The following FRMD5 variants were observed in gnomAD, a reference collection of about 807,000 sequenced individuals.
The protein encoded by FRMD5 is FERM domain-containing protein 5.
In FRMD5, 20 loss-of-function variants were observed where a neutral mutation model predicts 69.0. That is an observed-to-expected ratio of 0.29 (90% confidence interval 0.20 to 0.42). The LOEUF (loss-of-function observed/expected upper bound fraction) is 0.42. Ranked by LOEUF, FRMD5 falls within the 10% of genes least tolerant of loss-of-function variation. The pLI, the probability that FRMD5 is intolerant of heterozygous loss-of-function variation, is 1.00. For missense variants in FRMD5, 595 were observed against 708.6 expected (o/e 0.84, Z 1.82); for synonymous variants, 271 against 260.1 (o/e 1.04, Z -0.40).
chr15:44,076,952 C>G (rs1893797380), intron 1 of FRMD5, among the ~76,000 whole-genome samples: 1 of 151,918 alleles, frequency 6.6e-6, no homozygotes, highest in Non-Finnish European at 1.5e-5. Context: ...CATGTATTCT[C>G]AGAAATGCCA....
At chr15:44,138,398 G>C (rs1464589842) in intron 1 of FRMD5, among the ~76,000 whole-genome samples, 1 of 152,018 alleles carries the variant, frequency 6.6e-6, no homozygotes, top group Admixed American at 6.6e-5. Context: ...TAACATCAAA[G>C]TGCCATAAAG....
At chr15:44,013,857 C>CTTTTTTTTTT (rs3040909) in intron 1 of FRMD5, among the ~76,000 whole-genome samples, 10 of 131,596 alleles carry the variant, frequency 7.6e-5, no homozygotes, top group Non-Finnish European at 1.1e-4. Context: ...GAGACACCTT[C>CTTTTTTTTTT]TTTTTTTTTT....
intron 1 of FRMD5, among the ~76,000 whole-genome samples, chr15:44,128,547 G>A (rs947730888): frequency 6.6e-6 from 1 of 152,176 alleles, no homozygotes; most frequent in African/African-American, 2.4e-5. Flanking sequence ...ATGGGATTAT[G>A]AAGCTGATTA....
chr15:44,114,174 A>G lies in FRMD5; in HGVS notation c.102+80779T>C, dbSNP rs78045027. On this transcript the variant is annotated intron_variant, in intron 1 of 13. Coordinates refer to ENST00000417257, the MANE Select transcript of FRMD5 (RefSeq NM_032892.5). ...GAATGTATTAACAGAAGACAGTAGT[A>G]TAAATGGAGTTTTTAGAAAGAAGGA... 2.3e-4 allele frequency among the ~76,000 whole-genome samples: 35 copies of G among 152,356 alleles called. No homozygotes were observed. In the East Asian group the frequency reaches 6.7e-3, roughly 29 times the overall value.
intron 1 of FRMD5, among the ~76,000 whole-genome samples, chr15:43,977,771 G>A (rs1178171972): frequency 1.3e-5 from 2 of 152,140 alleles, no homozygotes; most frequent in African/African-American, 4.8e-5. Flanking sequence ...GCATTTTCTT[G>A]CAGGAAGAGA....
chr15:44,145,767 A>C (rs1050233076), intron 1 of FRMD5, among the ~76,000 whole-genome samples: 1 of 152,184 alleles, frequency 6.6e-6, no homozygotes, highest in African/African-American at 2.4e-5. Context: ...AATTCTGCCG[A>C]ACTGAATGAA....
At chr15:44,118,664 A>G (rs2076903873) in intron 1 of FRMD5, among the ~76,000 whole-genome samples, 1 of 152,348 alleles carries the variant, frequency 6.6e-6, no homozygotes, top group South Asian at 2.1e-4. Flanking sequence ...TCAAGCCTAA[A>G]GCAGGAAATC....
intron 6 of FRMD5, 130 bp downstream of exon 6, chr15:43,905,698 G>A: frequency 8.5e-7 from 1 of 1,170,596 alleles, no homozygotes; most frequent in Non-Finnish European, 1.2e-6. Flanking sequence ...TACATCCGCG[G>A]TCAGGAAGGC....
chr15:44,184,323 C>T (rs2078062917), intron 1 of FRMD5, among the ~76,000 whole-genome samples: 1 of 152,154 alleles, frequency 6.6e-6, no homozygotes, highest in Admixed American at 6.5e-5. Context: ...ATAGAAAACT[C>T]TTAACATATA....
chr15:44,035,290 TATAC>T (rs1891857289), intron 1 of FRMD5, among the ~76,000 whole-genome samples: 1 of 152,196 alleles, frequency 6.6e-6, no homozygotes, highest in Admixed American at 6.5e-5. Flanking sequence ...CCTTAAGGAA[TATAC>T]AATTGCTAGC....
At chr15:44,031,027 T>C (rs1305532311) in intron 1 of FRMD5, among the ~76,000 whole-genome samples, 1 of 151,588 alleles carries the variant, frequency 6.6e-6, no homozygotes, top group Non-Finnish European at 1.5e-5. Flanking sequence ...TCAGTCTGAC[T>C]GGGTCTCCTA....
intron 1 of FRMD5, among the ~76,000 whole-genome samples, chr15:44,043,289 G>A (rs1370610634): frequency 6.6e-6 from 1 of 152,070 alleles, no homozygotes; most frequent in Non-Finnish European, 1.5e-5. Context: ...ACAAACAAAT[G>A]GAAAAACATT....
intron 1 of FRMD5, among the ~76,000 whole-genome samples, chr15:43,997,941 C>T (rs1390049350): frequency 1.3e-5 from 2 of 151,980 alleles, no homozygotes; most frequent in African/African-American, 2.4e-5. Context: ...GCCTCTTTTT[C>T]CTGTCTTAAA....
chr15:43,879,624 A>T (rs147939776), intron 13 of FRMD5: 1 of 399,138 alleles, frequency 2.5e-6, no homozygotes, highest in African/African-American at 2.1e-5. Flanking sequence ...AGTCAGCCGG[A>T]GCTGGACCCG....
In FRMD5 at chr15:43,878,008, G is replaced by T. The variant is rs2088412262; in HGVS notation, c.1136-3546C>A. On this transcript the variant is annotated intron_variant, in intron 13 of 13. Transcript: ENST00000417257. ...ATCATTTTGTTATAATTTTTTTAAA[G>T]TTCTTTAGTTTTTTGAGACAGTCTT... 2.0e-5 allele frequency among the ~76,000 whole-genome samples: 3 copies of T among 152,060 alleles called. No individual in the cohort carries two copies. In the South Asian group the frequency reaches 6.2e-4, roughly 31 times the overall value.
At chr15:44,027,638 A>AT (rs1566906900) in intron 1 of FRMD5, among the ~76,000 whole-genome samples, 4 of 131,294 alleles carry the variant, frequency 3.0e-5, no homozygotes, top group East Asian at 4.4e-4. Flanking sequence ...TTTCTTTTCT[A>AT]GTTTTTTTTT....
At chr15:43,972,952 G>T (rs139214561) in intron 1 of FRMD5, among the ~76,000 whole-genome samples, 1 of 152,138 alleles carries the variant, frequency 6.6e-6, no homozygotes, top group Non-Finnish European at 1.5e-5. Context: ...TCCCCAGGCC[G>T]AATATCTAAT....
chr15:43,930,501 A>T (rs1394322622), intron 1 of FRMD5, among the ~76,000 whole-genome samples: 4 of 152,212 alleles, frequency 2.6e-5, no homozygotes, highest in Non-Finnish European at 4.4e-5. Context: ...CTGTGGGGCC[A>T]CGTAACCATG....
chr15:43,929,820 C>T (rs1479250196), intron 1 of FRMD5, among the ~76,000 whole-genome samples: 2 of 152,152 alleles, frequency 1.3e-5, no homozygotes, highest in Admixed American at 1.3e-4. Flanking sequence ...TTCTTGTAGG[C>T]CAAAGACTTC....
Sources: gnomAD v4.1 joint callset for allele counts (sites outside exome capture counted in the v4.1 genomes callset) on GRCh38, gnomAD v4.1.1 for gene constraint, MANE v1.5 for transcripts, NCBI Gene and HGNC (gene_info 2026-07-23, HGNC 2026-07-21) for gene names.